PHLDB1: variants seen among roughly 807,000 people sequenced by gnomAD.
PHLDB1 encodes the protein pleckstrin homology like domain family B member 1, also known as pleckstrin homology-like domain family B member 1.
PHLDB1 carries 65 observed loss-of-function variants against 139.3 expected under a neutral mutation model. That is an observed-to-expected ratio of 0.47 (90% CI 0.38 to 0.57). The LOEUF (loss-of-function observed/expected upper bound fraction) is 0.57. PHLDB1 is among the 20% of genes least tolerant of loss of function. The probability of loss-of-function intolerance (pLI) is 0.00; values close to 1 mark genes in which losing one functional copy is unlikely to be tolerated. For missense variants in PHLDB1, 1,624 were observed against 1,839.7 expected (o/e 0.88, Z 2.14); for synonymous variants, 679 against 734.5 (o/e 0.92, Z 1.22).
At position 118,632,502 on chromosome 11, in the gene PHLDB1, C is replaced by A; in HGVS notation, c.2379+206C>A. On this transcript the variant is annotated intron_variant, in intron 9 of 22. Transcript: ENST00000600882. This position sits in a 1 kb window ranked among gnomAD's most constrained non-coding sequence, Gnocchi z 5.9. ...GCACTGCCAGGGGCTGGGCTGGTGT[C>A]TGGGGTCTCCTCTGTCTGGGTCTGT... 1 of 618,430 alleles carries A rather than the reference C, an allele frequency of 1.6e-6. No individual in the cohort carries two copies. 38.3% of individuals were successfully genotyped at this position (618,430 alleles called of 1,614,324 possible). A position where few individuals can be genotyped will look rare whatever the true frequency, so the allele number is the denominator to read the frequency against.
chr11:118,623,624 C>G (rs1210003292), intron 4 of PHLDB1, among the ~76,000 whole-genome samples: 9 of 152,144 alleles, frequency 5.9e-5, no homozygotes, highest in Non-Finnish European at 1.2e-4. Context: ...TGGTCGCTCC[C>G]TAGACTTGCA....
chr11:118,614,017 C>G, intron 2 of PHLDB1, 121 bp downstream of exon 2: 1 of 671,016 alleles, frequency 1.5e-6, no homozygotes, highest in South Asian at 1.7e-5. Flanking sequence ...CTGCCCTTCC[C>G]CAGGTCCCAA....
Position 118,655,940 on chromosome 11 carries a change from C to A in PHLDB1, c.3993+48C>A, listed in dbSNP as rs1565513846. 6 of 1,346,202 alleles carry A rather than the reference C, an allele frequency of 4.5e-6. No homozygotes were observed. The Admixed American group carries it at 5.1e-5, about 11-fold the overall frequency. The allele number at this position is 1,346,202 out of a possible 1,614,324, so 83.4% of individuals were successfully genotyped here. ...AACCAGCACATTAACACCTCCTGTA[C>A]CCCACTCATCCCTGACCCTTGACCT... is the stretch of plus-strand genomic sequence containing the variant. On this transcript the variant is annotated intron_variant, in intron 22 of 22. Transcript: ENST00000600882.
chr11:118,613,731 G>A (rs1940984830), intron 1 of PHLDB1, 85 bp from the exon 2 acceptor site: 8 of 782,958 alleles, frequency 1.0e-5, no homozygotes, highest in Non-Finnish European at 1.7e-5. Flanking sequence ...TGACACCTCT[G>A]CCCTGAGAAC....
In PHLDB1 at chr11:118,650,451, C is replaced by T. The variant is rs782559901; in HGVS notation, c.3778C>T (p.Arg1260Cys). 14 of 1,611,702 alleles carry T rather than the reference C, an allele frequency of 8.7e-6. No homozygotes were observed. The Admixed American group carries it at 1.0e-4, about 12-fold the overall frequency. ...TACTCCTGCTTCCTACCAGGTCTGC[C>T]GTGGCTACTTGGTCAAGATGGGCGG... ...LHVVLSSKVC[R>C]GYLVKMGGKI... is the part of the protein sequence containing the mutation. The change falls in exon 20 of 23, where the codon CGT becomes TGT. Residue 1260 changes from arginine to cysteine, a missense_variant. By Grantham distance (180) the Arg-to-Cys change is radical. Transcript: ENST00000600882. The surrounding 1 kb of genome is among the most constrained non-coding windows in gnomAD (Gnocchi z 4.7).
intron 18 of PHLDB1, among the ~76,000 whole-genome samples, chr11:118,648,505 C>T (rs1947904427): frequency 6.6e-6 from 1 of 152,054 alleles, no homozygotes; most frequent in South Asian, 2.1e-4. Flanking sequence ...GCTGCACCTT[C>T]CCGTCTGCTT....
rs1949140338 is a variant in PHLDB1, at chr11:118,656,957, G to A, written c.*134G>A. The A allele has an allele frequency of 2.5e-6, 2 of 798,440 alleles. No individual in the cohort carries two copies. Among genetic ancestry groups the A allele is most frequent in the Non-Finnish European group, 3.9e-6 (2 of 517,570 alleles). 49.5% of individuals were successfully genotyped at this position (798,440 alleles called of 1,614,324 possible). A position where few individuals can be genotyped will look rare whatever the true frequency, so the allele number is the denominator to read the frequency against. On this transcript the variant is annotated 3_prime_UTR_variant, in exon 23 of 23. Coordinates refer to ENST00000600882, the MANE Select transcript of PHLDB1 (RefSeq NM_001144758.3). Reference sequence around the variant, plus strand: ...AACCAGCCAGAAGAAGAAAAGTAGAGGTGGCTTTGCTGCCTCCTGGGAGCC... The same window carrying A: ...AACCAGCCAGAAGAAGAAAAGTAGAAGTGGCTTTGCTGCCTCCTGGGAGCC...
rs1555109815 is a variant in PHLDB1 at position 118,631,289 on chromosome 11, C to T, written c.1910C>T (p.Pro637Leu). ...ADGGPEAGEL[P>L]SIGEATAALA... ...GGGGGACCTGAGGCTGGGGAGCTTC[C>T]CAGCATTGGGGAGGCCACCGCAGCA... Residue 637 changes from proline (P) to leucine (L), a missense_variant, in exon 7 of 23, where the codon CCC becomes CTC. Transcript: ENST00000600882. The T allele has an allele frequency of 6.5e-7, 1 of 1,526,950 alleles. No homozygotes were observed. Among genetic ancestry groups the T allele is most frequent in the Non-Finnish European group, 8.8e-7 (1 of 1,138,548 alleles). The allele number at this position is 1,526,950 out of a possible 1,614,324, so 94.6% of individuals were successfully genotyped here. A position where few individuals can be genotyped will look rare whatever the true frequency, so the allele number is the denominator to read the frequency against.
At position 118,645,217 on chromosome 11, in the gene PHLDB1, T is replaced by A; in HGVS notation, c.3122-139T>A. ...GCCAGGCCTGGAGCTGCAGGGGCCT[T>A]AGGGAAGCTGCGGGGAGAGGGGGCT... On this transcript the variant is annotated intron_variant, in intron 15 of 22. Coordinates refer to ENST00000600882, the MANE Select transcript of PHLDB1 (RefSeq NM_001144758.3). The surrounding 1 kb of genome is among the most constrained non-coding windows in gnomAD (Gnocchi z 5.1). 1.7e-6 allele frequency: 1 copy of A among 577,838 alleles called. No homozygotes were observed. The highest frequency in any genetic ancestry group is 2.9e-6 in the Non-Finnish European group (1 of 347,080). 35.8% of individuals were successfully genotyped at this position (577,838 alleles called of 1,614,324 possible).
rs370269796 is a variant in PHLDB1, at chr11:118,632,251, G to A, written c.2334G>A (p.Glu778=). The change falls in exon 9 of 23, where the codon GAG becomes GAA. Residue 778 remains glutamate (E), a synonymous_variant. Transcript: ENST00000600882. The surrounding 1 kb of genome is among the most constrained non-coding windows in gnomAD (Gnocchi z 5.9). The part of the protein sequence containing the change: ...KEQKAVDQLQ[E]KLVALETGIQ... Reference sequence around the variant, plus strand: ...AGAAGGCAGTGGATCAGCTGCAGGAGAAGCTGGTGGCCTTGGAGACAGGCA... The same window carrying A: ...AGAAGGCAGTGGATCAGCTGCAGGAAAAGCTGGTGGCCTTGGAGACAGGCA... 2 of 1,613,736 alleles carry A rather than the reference G, an allele frequency of 1.2e-6. No individual in the cohort carries two copies. Among genetic ancestry groups the A allele is most frequent in the Non-Finnish European group, 1.7e-6 (2 of 1,180,034 alleles).
chr11:118,630,225 C>A, intron 6 of PHLDB1: 1 of 436,854 alleles, frequency 2.3e-6, no homozygotes, highest in Non-Finnish European at 4.2e-6. Context: ...AGGCTTCAGG[C>A]CTATAGGTAG....
chr11:118,651,752 A>C (rs1287840703), intron 20 of PHLDB1: 5 of 150,882 alleles, frequency 3.3e-5, no homozygotes, highest in Admixed American at 6.6e-5. Flanking sequence ...GTGCCACTGC[A>C]CTCTAGCCTG....
chr11:118,656,998 C>T lies in PHLDB1; in HGVS notation c.*175C>T. 1 of 580,314 alleles carries T rather than the reference C, an allele frequency of 1.7e-6. No homozygotes were observed. Among genetic ancestry groups the T allele is most frequent in the South Asian group, 2.4e-5 (1 of 41,898 alleles). The allele number at this position is 580,314 out of a possible 1,614,324, so 35.9% of individuals were successfully genotyped here. A position where few individuals can be genotyped will look rare whatever the true frequency, so the allele number is the denominator to read the frequency against. On this transcript the variant is annotated 3_prime_UTR_variant, in exon 23 of 23. Coordinates refer to ENST00000600882, the MANE Select transcript of PHLDB1 (RefSeq NM_001144758.3). ...CCTGGGAGCCCAGAACTTGCAGTAA[C>T]CCTTTAGGGTCCTGCCCCAGGCCCA...
chr11:118,613,780 G>C, intron 1 of PHLDB1, 36 bp from the exon 2 acceptor site: 1 of 1,347,076 alleles, frequency 7.4e-7, no homozygotes, highest in South Asian at 1.2e-5. Context: ...TCCTGCCCTG[G>C]CCTCCCCACT....
At chr11:118,618,307 C>T (rs1408407025) in intron 4 of PHLDB1, among the ~76,000 whole-genome samples, 2 of 152,110 alleles carry the variant, frequency 1.3e-5, no homozygotes, top group African/African-American at 4.8e-5. Context: ...GTGTTCTTCT[C>T]CCCAGTCCTC....
chr11:118,626,209 A>AC (rs1555101083), intron 5 of PHLDB1, among the ~76,000 whole-genome samples: 1 of 147,650 alleles, frequency 6.8e-6, no homozygotes, highest in African/African-American at 2.5e-5. Context: ...TGCAGCACAC[A>AC]CCCCTCACCC....
In PHLDB1 at chr11:118,611,743, G is replaced by A. The variant is rs1048615052; in HGVS notation, c.-21-2073G>A. Among the ~76,000 whole-genome samples the A allele has an allele frequency of 1.1e-4, 17 of 151,712 alleles. No homozygotes were observed. Among genetic ancestry groups the A allele is most frequent in the African/African-American group, 3.6e-4 (15 of 41,286 alleles). On this transcript the variant is annotated intron_variant, in intron 1 of 22. Coordinates refer to ENST00000600882, the MANE Select transcript of PHLDB1 (RefSeq NM_001144758.3). The surrounding 1 kb of genome is among the most constrained non-coding windows in gnomAD (Gnocchi z 4.7). ...GGTGGCAGGAGAATCGCTTGAACCC[G>A]GGAGGTGGAGGTTGCGGTAAGCCGA...
At chr11:118,634,904 T>G in intron 9 of PHLDB1, 1 of 435,274 alleles carries the variant, frequency 2.3e-6, no homozygotes, top group Non-Finnish European at 4.6e-6. Flanking sequence ...GCCCTCTCCC[T>G]CGCCCTCCCG....
Position 118,650,248 on chromosome 11 carries a change from G to A in PHLDB1, c.3771+55G>A, listed in dbSNP as rs1948158258. The A allele has an allele frequency of 1.5e-6, 2 of 1,342,752 alleles. No individual in the cohort carries two copies. The highest frequency in any genetic ancestry group is 1.1e-6 in the Non-Finnish European group (1 of 932,936). 83.2% of individuals were successfully genotyped at this position (1,342,752 alleles called of 1,614,324 possible). A position where few individuals can be genotyped will look rare whatever the true frequency, so the allele number is the denominator to read the frequency against. ...GGGGAGAGGGAGAATCCCGTGGTGA[G>A]AGGCACCTCCTGGGTCGTTGGAATA... On this transcript the variant is annotated intron_variant, in intron 19 of 22. Transcript: ENST00000600882. This position sits in a 1 kb window ranked among gnomAD's most constrained non-coding sequence, Gnocchi z 4.7.
Sources: allele counts gnomAD v4.1 joint callset (sites outside exome capture counted in the v4.1 genomes callset), GRCh38; gene constraint gnomAD v4.1.1; non-coding constraint Gnocchi (gnomAD v3.1); transcripts MANE v1.5; gene names NCBI Gene and HGNC (gene_info 2026-07-23, HGNC 2026-07-21).